The following KCNT2 variants were observed in gnomAD, a reference collection of about 807,000 sequenced individuals.
KCNT2 encodes potassium sodium-activated channel subfamily T member 2, also known as potassium channel subfamily T member 2.
KCNT2 carries 67 observed loss-of-function variants against 153.8 expected under a neutral mutation model. The ratio of observed to expected loss-of-function variants is 0.44; its 90% CI spans 0.36 to 0.53. The LOEUF (loss-of-function observed/expected upper bound fraction) is 0.53. Among genes scored for constraint, KCNT2 ranks in the 20% least tolerant of loss-of-function variants. The pLI, the probability that KCNT2 is intolerant of heterozygous loss-of-function variation, is 0.00. For synonymous variants in KCNT2, 500 were observed against 458.8 expected, an observed-to-expected ratio of 1.09 and a Z score of -1.15; for missense variants, 975 against 1,354.8, an observed-to-expected ratio of 0.72 and a Z score of 4.40.
At chr1:196,526,296 AATTAT>A (rs1045161175) in intron 1 of KCNT2, among the ~76,000 whole-genome samples, 3 of 151,014 alleles carry the variant, frequency 2.0e-5, no homozygotes, top group African/African-American at 7.3e-5. Context: ...ATATTTTATA[AATTAT>A]AATATATAAA....
intron 8 of KCNT2, among the ~76,000 whole-genome samples, chr1:196,443,425 A>G (rs1209658614): frequency 1.3e-5 from 2 of 151,670 alleles, no homozygotes; most frequent in East Asian, 3.9e-4. Context: ...GCTAAACATT[A>G]TACATTGAGA....
chr1:196,405,868 A>G (rs542341917), intron 12 of KCNT2, among the ~76,000 whole-genome samples: 1 of 151,722 alleles, frequency 6.6e-6, no homozygotes, highest in South Asian at 2.1e-4. Context: ...AGATTTGCCC[A>G]AAATTTATAA....
At chr1:196,308,820 T>C (rs540829992) in intron 21 of KCNT2, among the ~76,000 whole-genome samples, 13 of 152,068 alleles carry the variant, frequency 8.5e-5, no homozygotes, top group African/African-American at 3.1e-4. Flanking sequence ...ATAAAATAAA[T>C]TATTAACAAT....
chr1:196,380,849 T>A (rs1669421500), intron 13 of KCNT2, among the ~76,000 whole-genome samples: 1 of 152,180 alleles, frequency 6.6e-6, no homozygotes, highest in Non-Finnish European at 1.5e-5. Context: ...ATCAAGTGAG[T>A]TTTATTTTGA....
intron 3 of KCNT2, 123 bp from the exon 4 acceptor site, chr1:196,482,502 A>C: frequency 2.0e-6 from 1 of 500,046 alleles, no homozygotes; most frequent in Non-Finnish European, 3.5e-6. Context: ...ATCAAAATCA[A>C]CATTTGAAAA....
intron 26 of KCNT2, among the ~76,000 whole-genome samples, chr1:196,250,977 C>A (rs1655912706): frequency 1.3e-5 from 2 of 152,030 alleles, no homozygotes; most frequent in Admixed American, 1.3e-4. Context: ...ATGACAAATC[C>A]TGACGAGGAT....
rs112826461 is a variant in KCNT2 at position 196,592,052 on chromosome 1, G to T, written c.95+16163C>A. Among the ~76,000 whole-genome samples the T allele has an allele frequency of 6.0e-3, 917 of 152,198 alleles. 6 individuals carry two copies. The highest frequency in any genetic ancestry group is 0.014 in the Middle Eastern group (4 of 294). ...TCTTTCTGGCACTACAAAGAAGAGG[G>T]AAGTAAATCAAAAGTGCTCTTCACA... is the stretch of plus-strand genomic sequence containing the variant. On this transcript the variant is annotated intron_variant, in intron 1 of 27. Coordinates refer to ENST00000294725, the MANE Select transcript of KCNT2 (RefSeq NM_198503.5).
intron 21 of KCNT2, among the ~76,000 whole-genome samples, chr1:196,314,456 A>G (rs1053963653): frequency 2.0e-5 from 3 of 151,644 alleles, no homozygotes; most frequent in Non-Finnish European, 4.4e-5. Flanking sequence ...TTAAAAATGT[A>G]CTGTTTAATA....
At chr1:196,460,549 C>T (rs938814368) in intron 8 of KCNT2, among the ~76,000 whole-genome samples, 5 of 151,420 alleles carry the variant, frequency 3.3e-5, no homozygotes, top group African/African-American at 9.7e-5. Flanking sequence ...TGAGTCTTTG[C>T]GCTCATGAAT....
chr1:196,523,131 A>G (rs941554030), intron 1 of KCNT2, among the ~76,000 whole-genome samples: 14 of 152,148 alleles, frequency 9.2e-5, no homozygotes, highest in African/African-American at 3.4e-4. Context: ...CCACGAAACC[A>G]CCAGGAGGAA....
At chr1:196,470,302 C>T (rs1677977517) in intron 5 of KCNT2, among the ~76,000 whole-genome samples, 1 of 152,046 alleles carries the variant, frequency 6.6e-6, no homozygotes. Context: ...ACTTTTTAAA[C>T]TGAAGAGATC....
At chr1:196,265,726 A>C (rs1213041055) in intron 25 of KCNT2, among the ~76,000 whole-genome samples, 4 of 152,294 alleles carry the variant, frequency 2.6e-5, no homozygotes, top group African/African-American at 4.8e-5. Flanking sequence ...TGTCCACCCC[A>C]AAAAATGCTT....
chr1:196,349,741 T>C (rs1666470243), intron 14 of KCNT2, among the ~76,000 whole-genome samples: 2 of 152,030 alleles, frequency 1.3e-5, no homozygotes, highest in Non-Finnish European at 2.9e-5. Context: ...AGTTTTAGGG[T>C]ACATGTGCAC....
At chr1:196,274,959 A>T (rs1658416392) in intron 25 of KCNT2, among the ~76,000 whole-genome samples, 2 of 151,854 alleles carry the variant, frequency 1.3e-5, no homozygotes, top group South Asian at 4.1e-4. Context: ...GTTATATGCT[A>T]TATAGTAGCT....
intron 8 of KCNT2, among the ~76,000 whole-genome samples, chr1:196,432,016 A>AAT (rs1674195185): frequency 6.6e-6 from 1 of 152,004 alleles, no homozygotes; most frequent in Non-Finnish European, 1.5e-5. Flanking sequence ...TTGAGGGCAG[A>AAT]ATAGTTTCAA....
chr1:196,549,000 T>C (rs1267067058), intron 1 of KCNT2, among the ~76,000 whole-genome samples: 8 of 147,710 alleles, frequency 5.4e-5, no homozygotes, highest in African/African-American at 1.8e-4. Context: ...CTCTGGGGAC[T>C]GTTGTGGGGT....
At chr1:196,325,940 A>T (rs751647118) in intron 19 of KCNT2, among the ~76,000 whole-genome samples, 31 of 152,092 alleles carry the variant, frequency 2.0e-4, no homozygotes, top group Non-Finnish European at 3.1e-4. Context: ...AAGGCAACGG[A>T]ATTTGGCCTC....
At chr1:196,565,147 T>C (rs1325969515) in intron 1 of KCNT2, among the ~76,000 whole-genome samples, 1 of 139,830 alleles carries the variant, frequency 7.2e-6, no homozygotes, top group Non-Finnish European at 1.6e-5. Flanking sequence ...TACAAATGGG[T>C]TTCTCAAAGA....
At chr1:196,460,146 T>C (rs1677022903) in intron 8 of KCNT2, among the ~76,000 whole-genome samples, 1 of 151,804 alleles carries the variant, frequency 6.6e-6, no homozygotes, top group Non-Finnish European at 1.5e-5. Flanking sequence ...TGGCCAAAAT[T>C]TGGTTTATCA....
Sources: allele counts gnomAD v4.1 joint callset (sites outside exome capture counted in the v4.1 genomes callset), GRCh38; gene constraint gnomAD v4.1.1; transcripts MANE v1.5; gene names NCBI Gene and HGNC (gene_info 2026-07-23, HGNC 2026-07-21).